Variants in PHF14 observed in about 807,000 individuals in gnomAD.
PHF14 encodes PHD finger protein 14.
A neutral mutation model predicts 117.9 loss-of-function variants in PHF14; 55 were observed. The ratio of observed to expected loss-of-function variants is 0.47; its 90% confidence interval spans 0.38 to 0.58. The LOEUF is 0.58. Ranked by LOEUF, PHF14 falls within the 20% of genes least tolerant of loss-of-function variation. The probability of loss-of-function intolerance (pLI) is 0.00; values close to 1 mark genes in which losing one functional copy is unlikely to be tolerated. For synonymous variants in PHF14, 409 were observed against 368.6 expected, an observed-to-expected ratio of 1.11 and a Z score of -1.26; for missense variants, 978 against 1,122.2, an observed-to-expected ratio of 0.87 and a Z score of 1.84.
At chr7:10,994,982 T>C (rs1370832181) in intron 4 of PHF14, among the ~76,000 whole-genome samples, 1 of 152,188 alleles carries the variant, frequency 6.6e-6, no homozygotes, top group East Asian at 1.9e-4. Context: ...ATCCTGCTGA[T>C]AGGTCCATTT....
intron 17 of PHF14, among the ~76,000 whole-genome samples, chr7:11,155,804 C>T (rs1010794953): frequency 6.6e-6 from 1 of 151,616 alleles, no homozygotes; most frequent in Non-Finnish European, 1.5e-5. Context: ...CAGTGCCTGA[C>T]ACATAGCTAG....
Position 11,130,010 on chromosome 7 carries a change from AG to A in PHF14, c.2772+18544del, listed in dbSNP as rs1165502881. ...TATGCTAAGTTATGCAGCAAAAAAA[AG>A]AATCCCAAATTTTTAGTTGATTAAT... On this transcript the variant is annotated intron_variant, in intron 17 of 17. Coordinates refer to ENST00000634607, the MANE Select transcript of PHF14 (RefSeq NM_001007157.2). The surrounding 1 kb of genome is among the most constrained non-coding windows in gnomAD (Gnocchi z 4.2). 1.3e-5 allele frequency among the ~76,000 whole-genome samples: 2 copies of A among 152,032 alleles called. No individual in the cohort carries two copies. Among genetic ancestry groups the A allele is most frequent in the African/African-American group, 2.4e-5 (1 of 41,424 alleles).
chr7:11,155,014 G>C (rs747234960), intron 17 of PHF14, among the ~76,000 whole-genome samples: 5 of 152,054 alleles, frequency 3.3e-5, no homozygotes, highest in Non-Finnish European at 7.4e-5. Flanking sequence ...CTATCTATCT[G>C]TAGGTACCTA....
chr7:11,109,792 TA>T (rs2128343162), intron 16 of PHF14: 1 of 152,060 alleles, frequency 6.6e-6, no homozygotes, highest in Admixed American at 6.6e-5. Context: ...TCATAGTAAA[TA>T]AAGTACTGTT....
intron 6 of PHF14, among the ~76,000 whole-genome samples, chr7:11,025,693 G>T (rs149473240): frequency 6.6e-6 from 1 of 152,180 alleles, no homozygotes; most frequent in Non-Finnish European, 1.5e-5. Flanking sequence ...TACTTGGGAG[G>T]CTGAGGCAGG....
chr7:11,111,055 C>G (rs1787426989), intron 16 of PHF14: 1 of 207,004 alleles, frequency 4.8e-6, no homozygotes, highest in African/African-American at 2.3e-5. Context: ...GTTTTGAACA[C>G]ATGATTATAC....
At chr7:11,048,145 T>C (rs1784738928) in intron 13 of PHF14, among the ~76,000 whole-genome samples, 1 of 152,168 alleles carries the variant, frequency 6.6e-6, no homozygotes, top group African/African-American at 2.4e-5. Flanking sequence ...TCTCATACAG[T>C]GTGCTAAGTA....
chr7:11,054,713 T>A (rs1475302706), intron 14 of PHF14, among the ~76,000 whole-genome samples: 1 of 152,142 alleles, frequency 6.6e-6, no homozygotes, highest in Non-Finnish European at 1.5e-5. Context: ...CCTTTTGCAA[T>A]ATATAACTAA....
At chr7:11,037,477 C>G (rs552894594) in intron 10 of PHF14, among the ~76,000 whole-genome samples, 1 of 152,168 alleles carries the variant, frequency 6.6e-6, no homozygotes, top group African/African-American at 2.4e-5. Context: ...TCATGTGACT[C>G]TGTTCTCTAT....
At chr7:11,039,115 G>C (rs975184409) in intron 11 of PHF14, among the ~76,000 whole-genome samples, 3 of 152,068 alleles carry the variant, frequency 2.0e-5, no homozygotes, top group Admixed American at 1.3e-4. Flanking sequence ...TGATTGACCT[G>C]TCATTTGTGA....
chr7:10,993,545 C>T (rs1056907048), intron 4 of PHF14, among the ~76,000 whole-genome samples: 4 of 152,206 alleles, frequency 2.6e-5, no homozygotes, highest in African/African-American at 7.2e-5. Context: ...AGAATGTACA[C>T]ATTGTTGACC....
chr7:11,019,863 T>C (rs77237782), intron 5 of PHF14, among the ~76,000 whole-genome samples: 19 of 152,084 alleles, frequency 1.2e-4, no homozygotes, highest in African/African-American at 4.1e-4. Flanking sequence ...TAGGTACCTA[T>C]AGCTATAAAC....
At chr7:11,034,185 C>G (rs1307980296) in intron 7 of PHF14, among the ~76,000 whole-genome samples, 1 of 151,472 alleles carries the variant, frequency 6.6e-6, no homozygotes, top group East Asian at 1.9e-4. Flanking sequence ...TTATATGTCT[C>G]TCCTCGGTAG....
At chr7:11,046,960 A>T (rs1010249654) in intron 13 of PHF14, among the ~76,000 whole-genome samples, 2 of 152,136 alleles carry the variant, frequency 1.3e-5, no homozygotes, top group Non-Finnish European at 2.9e-5. Context: ...ATTATTTGGA[A>T]TATGGAATGT....
intron 17 of PHF14, among the ~76,000 whole-genome samples, chr7:11,123,126 C>T (rs1694083860): frequency 6.6e-6 from 1 of 151,798 alleles, no homozygotes; most frequent in African/African-American, 2.4e-5. Flanking sequence ...CTTTTTTTCT[C>T]GCTGCAGTTG....
At chr7:11,111,033 ATTG>A (rs1481031428) in intron 16 of PHF14, 4 of 181,552 alleles carry the variant, frequency 2.2e-5, no homozygotes, top group East Asian at 1.4e-4. Context: ...CACAATTGAA[ATTG>A]TTGTGGTTGT....
rs760478561 is a variant in PHF14, at chr7:11,169,484, GAAAT to G, written c.2845_*1del. ...TCAACATGGAACAGAAAAATCCAAAGAAATAAAAGATTTTCTGTAGTGTTTTTGA... is the reference window on the plus strand; with the variant it reads ...TCAACATGGAACAGAAAAATCCAAAGAAAAGATTTTCTGTAGTGTTTTTGA... On this transcript the variant is annotated frameshift_variant and stop_lost, in exon 18 of 18. Coordinates refer to ENST00000634607, the MANE Select transcript of PHF14 (RefSeq NM_001007157.2). LOFTEE classifies it high-confidence loss of function. 3 of 1,456,822 alleles carry G rather than the reference GAAAT, an allele frequency of 2.1e-6. No homozygotes were observed. The highest frequency in any genetic ancestry group is 4.6e-5 in the Admixed American group (2 of 43,522). 90.2% of individuals were successfully genotyped at this position (1,456,822 alleles called of 1,614,324 possible). A position where few individuals can be genotyped will look rare whatever the true frequency, so the allele number is the denominator to read the frequency against.
chr7:11,135,823 C>G (rs1333130384), intron 17 of PHF14, among the ~76,000 whole-genome samples: 2 of 152,076 alleles, frequency 1.3e-5, no homozygotes, highest in African/African-American at 4.8e-5. Flanking sequence ...TTGTAATATA[C>G]GGAAGGCTTT....
intron 16 of PHF14, among the ~76,000 whole-genome samples, chr7:11,098,513 A>G (rs1026618428): frequency 1.1e-4 from 17 of 151,952 alleles, no homozygotes; most frequent in Admixed American, 9.2e-4. Flanking sequence ...CAGCTCTACT[A>G]TGTCTCACTT....
Sources: allele counts gnomAD v4.1 joint callset (sites outside exome capture counted in the v4.1 genomes callset), GRCh38; gene constraint gnomAD v4.1.1; non-coding constraint Gnocchi (gnomAD v3.1); transcripts MANE v1.5; gene names NCBI Gene and HGNC (gene_info 2026-07-23, HGNC 2026-07-21).